MREG: variants seen among roughly 807,000 people sequenced by gnomAD.
The protein encoded by MREG is dilute suppressor protein homolog.
A neutral mutation model predicts 28.5 loss-of-function variants in MREG; 31 were observed. The ratio of observed to expected loss-of-function variants is 1.09; its 90% confidence interval spans 0.82 to 1.47. The LOEUF is 1.47. Among genes scored for constraint, MREG ranks in the 40% most tolerant of loss-of-function variants. The pLI, the probability that MREG is intolerant of heterozygous loss-of-function variation, is 0.00. For synonymous variants in MREG, 106 were observed against 95.2 expected, an observed-to-expected ratio of 1.11 and a Z score of -0.66; for missense variants, 256 against 257.4, an observed-to-expected ratio of 0.99 and a Z score of 0.04.
At chr2:216,024,987 AAAAGGAAAGGAAAAGG>A (rs756981744) in intron 1 of MREG, among the ~76,000 whole-genome samples, 12 of 150,822 alleles carry the variant, frequency 8.0e-5, no homozygotes, top group Non-Finnish European at 1.5e-4. Flanking sequence ...AAGGAAAAGG[AAAAGGAAAGGAAAAGG>A]AAAGGAAAGG....
downstream of MREG, among the ~76,000 whole-genome samples, chr2:215,942,565 A>G (rs566241049): frequency 5.3e-5 from 8 of 152,338 alleles, no homozygotes; most frequent in African/African-American, 1.7e-4. Flanking sequence ...TTATGTCAGA[A>G]ATATAACACA....
chr2:216,006,261 C>G (rs977783618), intron 1 of MREG, among the ~76,000 whole-genome samples: 1 of 152,152 alleles, frequency 6.6e-6, no homozygotes, highest in African/African-American at 2.4e-5. Flanking sequence ...GGAAGAAAAC[C>G]TTTAAAAGTC....
chr2:216,011,087 C>T (rs1202907391), intron 1 of MREG, among the ~76,000 whole-genome samples: 2 of 131,146 alleles, frequency 1.5e-5, no homozygotes, highest in Non-Finnish European at 3.2e-5. Context: ...CAGAGCAAGA[C>T]TCCGTCTCAA....
intron 1 of MREG, among the ~76,000 whole-genome samples, chr2:216,024,116 C>G (rs552740418): frequency 1.1e-4 from 17 of 152,094 alleles, no homozygotes; most frequent in Non-Finnish European, 2.4e-4. Context: ...CTTGCCATGC[C>G]GAGCCTTTCA....
chr2:216,010,740 A>G (rs961533020), intron 1 of MREG, among the ~76,000 whole-genome samples: 2 of 151,970 alleles, frequency 1.3e-5, no homozygotes, highest in Non-Finnish European at 2.9e-5. Flanking sequence ...TACTCCAAGT[A>G]TTTCTTTTAA....
At position 216,030,946 on chromosome 2, in the gene MREG, TCTCTCTCTCTCACACACACA is replaced by T. The variant is rs777985744; in HGVS notation, c.-68+1823_-68+1842del. On this transcript the variant is annotated intron_variant, in intron 1 of 3. Transcript: ENST00000420348. Reference sequence around the variant, plus strand: ...GGCCCATTCTCTCTCTCTCTCTCTCTCTCTCTCTCTCACACACACACACACACACACACACACACACACAC... The same window carrying T: ...GGCCCATTCTCTCTCTCTCTCTCTCTCACACACACACACACACACACACAC... Among the ~76,000 whole-genome samples, 510 of 89,290 alleles carry T rather than the reference TCTCTCTCTCTCACACACACA, an allele frequency of 5.7e-3. 2 individuals carry two copies. The highest frequency in any genetic ancestry group is 0.017 in the African/African-American group (474 of 27,694). The allele number at this position is 89,290 out of a possible 152,430, so 58.6% of individuals were successfully genotyped here.
At chr2:215,958,585 C>T (rs569272030) in intron 2 of MREG, among the ~76,000 whole-genome samples, 30 of 152,352 alleles carry the variant, frequency 2.0e-4, no homozygotes, top group African/African-American at 6.3e-4. Flanking sequence ...CCAGTTCATT[C>T]TGCATCCCTC....
chr2:215,975,810 G>A (rs1429563106), intron 2 of MREG, among the ~76,000 whole-genome samples: 2 of 152,194 alleles, frequency 1.3e-5, no homozygotes, highest in African/African-American at 4.8e-5. Flanking sequence ...ATAGGGCCGG[G>A]CGCCGTGGCT....
chr2:216,011,667 T>G (rs1694314249), intron 1 of MREG, among the ~76,000 whole-genome samples: 1 of 152,200 alleles, frequency 6.6e-6, no homozygotes, highest in African/African-American at 2.4e-5. Context: ...TAAAATCACA[T>G]GCAAAATTCA....
chr2:215,959,261 A>G (rs1185687085), intron 2 of MREG, among the ~76,000 whole-genome samples: 1 of 152,094 alleles, frequency 6.6e-6, no homozygotes, highest in South Asian at 2.1e-4. Context: ...CCTTGGCTCC[A>G]GGTCTCAGTT....
At chr2:215,985,345 T>C (rs1165248618) in intron 2 of MREG, among the ~76,000 whole-genome samples, 2 of 152,184 alleles carry the variant, frequency 1.3e-5, no homozygotes, top group East Asian at 3.8e-4. Context: ...TTGAGGCTGT[T>C]TACTACTTCT....
chr2:215,942,336 A>G (rs1041498805), downstream of MREG, among the ~76,000 whole-genome samples: 4 of 152,186 alleles, frequency 2.6e-5, no homozygotes, highest in African/African-American at 9.7e-5. Context: ...GGCCTCCCAC[A>G]CTTCTGTGGC....
At chr2:216,020,131 C>T (rs570174523) in intron 1 of MREG, among the ~76,000 whole-genome samples, 4 of 152,256 alleles carry the variant, frequency 2.6e-5, no homozygotes, top group African/African-American at 4.8e-5. Context: ...GATTCTAACC[C>T]TGTTGCGTGT....
At chr2:215,989,075 C>T (rs886270207) in intron 2 of MREG, among the ~76,000 whole-genome samples, 10 of 149,046 alleles carry the variant, frequency 6.7e-5, no homozygotes, top group African/African-American at 2.5e-4. Context: ...AAGTGGGTCC[C>T]TGACCCCTAT....
chr2:215,996,379 T>C lies in MREG; in HGVS notation c.182A>G (p.His61Arg), dbSNP rs756572723. Residue 61 changes from histidine to arginine, a missense_variant, in exon 2 of 5, where the codon CAC becomes CGC. His to Arg is a conservative substitution (Grantham distance 29, BLOSUM62 0). Transcript: ENST00000263268. ...NLWSMPHDVS[H>R]TEADDDRTLY... ...GGTTCTGTCGTCGTCTGCCTCTGTG[T>C]GGGACACATCATGGGGCATACTCCA... 6.2e-7 allele frequency: 1 copy of C among 1,614,042 alleles called. No homozygotes were observed. Among genetic ancestry groups the C allele is most frequent in the South Asian group, 1.1e-5 (1 of 91,092 alleles).
At chr2:216,021,597 C>T (rs937787826) in intron 1 of MREG, among the ~76,000 whole-genome samples, 24 of 152,204 alleles carry the variant, frequency 1.6e-4, no homozygotes, top group African/African-American at 5.8e-4. Flanking sequence ...ACCCTAGTCA[C>T]CCCTTTTCCA....
chr2:216,006,850 C>G (rs562146879), intron 1 of MREG, among the ~76,000 whole-genome samples: 10 of 152,178 alleles, frequency 6.6e-5, no homozygotes, highest in Non-Finnish European at 1.3e-4. Flanking sequence ...TCCCTTACCC[C>G]CACCCTTCTT....
intron 2 of MREG, among the ~76,000 whole-genome samples, chr2:215,980,267 CG>C (rs1693389446): frequency 2.0e-5 from 3 of 152,202 alleles, no homozygotes; most frequent in Middle Eastern, 3.2e-3. Context: ...TCACAAGGTA[CG>C]TTACCCTTGG....
intron 1 of MREG, among the ~76,000 whole-genome samples, chr2:216,000,109 G>A (rs888013643): frequency 5.3e-5 from 8 of 152,140 alleles, no homozygotes; most frequent in African/African-American, 1.9e-4. Flanking sequence ...ATATATTCAG[G>A]GCTTGAGCCA....
Sources: gnomAD v4.1 joint callset for allele counts (sites outside exome capture counted in the v4.1 genomes callset) on GRCh38, gnomAD v4.1.1 for gene constraint, MANE v1.5 for transcripts, NCBI Gene and HGNC (gene_info 2026-07-23, HGNC 2026-07-21) for gene names.